Variants in YWHAQ observed in about 807,000 individuals in gnomAD.
YWHAQ encodes 14-3-3 protein theta.
In YWHAQ, 6 loss-of-function variants were observed where a neutral mutation model predicts 28.3. The ratio of observed to expected loss-of-function variants is 0.21; its 90% CI spans 0.12 to 0.42. YWHAQ has a LOEUF of 0.42. Among genes scored for constraint, YWHAQ ranks in the 10% least tolerant of loss-of-function variants. The pLI, the probability that YWHAQ is intolerant of heterozygous loss-of-function variation, is 1.00. For synonymous variants in YWHAQ, 143 were observed against 119.1 expected, an observed-to-expected ratio of 1.20 and a Z score of -1.31; for missense variants, 201 against 305.6, an observed-to-expected ratio of 0.66 and a Z score of 2.55.
chr2:9,627,887 C>T (rs146165804), intron 2 of YWHAQ, among the ~76,000 whole-genome samples: 1,635 of 152,274 alleles, frequency 0.011, 14 homozygotes, highest in Middle Eastern at 0.034. Flanking sequence ...CCAGCCTCTT[C>T]CCTCAACGTT....
chr2:9,617,735 G>A (rs548155821), intron 2 of YWHAQ, among the ~76,000 whole-genome samples: 2 of 152,068 alleles, frequency 1.3e-5, no homozygotes, highest in African/African-American at 4.8e-5. Flanking sequence ...CCAGGAGTTT[G>A]AGACCAGCGT....
At chr2:9,593,173 G>C (rs1043135252) in intron 2 of YWHAQ, among the ~76,000 whole-genome samples, 1 of 149,714 alleles carries the variant, frequency 6.7e-6, no homozygotes. Flanking sequence ...TTCTAACCAA[G>C]AACTTTCTTC....
chr2:9,623,058 G>A (rs957082945), intron 2 of YWHAQ, among the ~76,000 whole-genome samples: 4 of 152,204 alleles, frequency 2.6e-5, no homozygotes, highest in Admixed American at 2.0e-4. Flanking sequence ...AACTGCCAAA[G>A]CAACACCTTG....
At chr2:9,592,234 A>G (rs1364952421) in intron 2 of YWHAQ, among the ~76,000 whole-genome samples, 1 of 152,198 alleles carries the variant, frequency 6.6e-6, no homozygotes, top group Non-Finnish European at 1.5e-5. Flanking sequence ...ATTTAAAAGA[A>G]TAATTTTAGG....
chr2:9,614,091 C>A (rs979592871), intron 2 of YWHAQ, among the ~76,000 whole-genome samples: 2 of 152,154 alleles, frequency 1.3e-5, no homozygotes, highest in Non-Finnish European at 2.9e-5. Flanking sequence ...ATGCTATATC[C>A]CCACATTTTA....
At chr2:9,610,680 G>C (rs182084096) in intron 2 of YWHAQ, among the ~76,000 whole-genome samples, 56 of 152,086 alleles carry the variant, frequency 3.7e-4, no homozygotes, top group African/African-American at 1.3e-3. Context: ...GGCTAATTTT[G>C]TATCTTTAAT....
chr2:9,602,162 C>A (rs1466347404), intron 2 of YWHAQ, among the ~76,000 whole-genome samples: 1 of 152,122 alleles, frequency 6.6e-6, no homozygotes, highest in Non-Finnish European at 1.5e-5. Context: ...TGTGGTGGCT[C>A]ATGCCTAAAA....
chr2:9,593,905 A>AAAATATATAT (rs1205661739), intron 2 of YWHAQ, among the ~76,000 whole-genome samples: 2 of 127,632 alleles, frequency 1.6e-5, no homozygotes, highest in African/African-American at 6.1e-5. Context: ...GATTAAAAAA[A>AAAATATATAT]ATATATATAT....
intron 2 of YWHAQ, among the ~76,000 whole-genome samples, chr2:9,602,998 C>T (rs866488681): frequency 1.5e-4 from 22 of 147,680 alleles, no homozygotes; most frequent in African/African-American, 5.5e-4. Context: ...GTTGAACTTA[C>T]AGGCATAAGC....
intron 2 of YWHAQ, among the ~76,000 whole-genome samples, chr2:9,614,809 T>C (rs774965862): frequency 1.6e-4 from 25 of 152,228 alleles, no homozygotes; most frequent in Admixed American, 1.4e-3. Flanking sequence ...ACATGCCATA[T>C]ACATTTATCT....
rs1572983429 is a variant in YWHAQ at position 9,585,364 on chromosome 2, T to C, written c.679-19A>G. 6.2e-7 allele frequency: 1 copy of C among 1,613,874 alleles called. No homozygotes were observed. The highest frequency in any genetic ancestry group is 2.2e-5 in the East Asian group (1 of 44,866). The stretch of plus-strand genomic sequence containing the variant: ...TCCAAAGCTAGAAAAAGAAGAATCA[T>C]ATTAAGTTACTATTTCTAGATTAGG... On this transcript the variant is annotated intron_variant, in intron 5 of 5. Transcript: ENST00000238081.
At chr2:9,622,068 G>C (rs1328420911) in intron 2 of YWHAQ, among the ~76,000 whole-genome samples, 2 of 151,968 alleles carry the variant, frequency 1.3e-5, no homozygotes, top group African/African-American at 2.4e-5. Flanking sequence ...AATAGCATTG[G>C]AGAAATACCT....
chr2:9,623,350 G>A (rs1265762792), intron 2 of YWHAQ, among the ~76,000 whole-genome samples: 2 of 152,214 alleles, frequency 1.3e-5, no homozygotes, highest in Non-Finnish European at 2.9e-5. Flanking sequence ...GGAAAAAACC[G>A]CACATCTTTT....
At chr2:9,588,026 G>T in intron 4 of YWHAQ, 139 bp downstream of exon 4, 2 of 1,070,276 alleles carry the variant, frequency 1.9e-6, no homozygotes, top group Non-Finnish European at 2.6e-6. Context: ...TAATCATGAT[G>T]GGAAGAAAAA....
intron 2 of YWHAQ, among the ~76,000 whole-genome samples, chr2:9,617,733 T>C (rs1333937605): frequency 2.0e-5 from 3 of 152,000 alleles, no homozygotes; most frequent in Non-Finnish European, 4.4e-5. Context: ...GCCCAGGAGT[T>C]TGAGACCAGC....
intron 2 of YWHAQ, among the ~76,000 whole-genome samples, chr2:9,619,621 A>G (rs965887203): frequency 1.3e-5 from 2 of 152,176 alleles, no homozygotes; most frequent in Admixed American, 1.3e-4. Flanking sequence ...AAATTTAATT[A>G]TGTAAAAAGT....
chr2:9,593,913 T>A (rs1209208412), intron 2 of YWHAQ, among the ~76,000 whole-genome samples: 2 of 118,994 alleles, frequency 1.7e-5, no homozygotes, highest in Non-Finnish European at 3.4e-5. Context: ...AAAATATATA[T>A]ATATATATAT....
chr2:9,586,166 G>C (rs1433527825), intron 5 of YWHAQ, among the ~76,000 whole-genome samples: 3 of 152,198 alleles, frequency 2.0e-5, no homozygotes, highest in Non-Finnish European at 4.4e-5. Context: ...GAATTAAATA[G>C]AAGTGGGTGA....
intron 2 of YWHAQ, among the ~76,000 whole-genome samples, chr2:9,594,098 A>G (rs999642964): frequency 2.0e-5 from 3 of 151,982 alleles, no homozygotes; most frequent in Non-Finnish European, 4.4e-5. Flanking sequence ...CAAGTTGGAA[A>G]GTTGCTGAGC....
Sources: gnomAD v4.1 joint callset for allele counts (sites outside exome capture counted in the v4.1 genomes callset) on GRCh38, gnomAD v4.1.1 for gene constraint, MANE v1.5 for transcripts, NCBI Gene and HGNC (gene_info 2026-07-23, HGNC 2026-07-21) for gene names.